Variants in PCDHGB2 observed in about 807,000 individuals in gnomAD.
The protein encoded by PCDHGB2 is protocadherin gamma subfamily B, 2, also known as protocadherin gamma-B2.
In PCDHGB2, 55 loss-of-function variants were observed where a neutral mutation model predicts 59.3. That is an observed-to-expected ratio of 0.93 (90% CI 0.75 to 1.16). The LOEUF is 1.16. Ranked by LOEUF, PCDHGB2 falls within the 50% of genes most tolerant of loss-of-function variation. The probability of loss-of-function intolerance (pLI) is 0.00; values close to 1 mark genes in which losing one functional copy is unlikely to be tolerated. For missense variants in PCDHGB2, 1,228 were observed against 1,198.5 expected, an observed-to-expected ratio of 1.02 and a Z score of -0.36; for synonymous variants, 516 against 512.0, an observed-to-expected ratio of 1.01 and a Z score of -0.11.
chr5:141,495,465 G>A (rs563411010), intron 2 of PCDHGB2, among the ~76,000 whole-genome samples: 3 of 152,182 alleles, frequency 2.0e-5, no homozygotes, highest in Non-Finnish European at 2.9e-5. Context: ...TGTCTGTGGG[G>A]TCTCCGTGTC....
At chr5:141,451,640 G>A (rs2098720679) in intron 1 of PCDHGB2, among the ~76,000 whole-genome samples, 1 of 152,166 alleles carries the variant, frequency 6.6e-6, no homozygotes, top group South Asian at 2.1e-4. Context: ...CCAGCACTCT[G>A]AGAGGCCAAG....
intron 1 of PCDHGB2, among the ~76,000 whole-genome samples, chr5:141,425,159 G>C (rs557552439): frequency 6.6e-6 from 1 of 152,126 alleles, no homozygotes; most frequent in South Asian, 2.1e-4. Context: ...AGCATCTAGG[G>C]ATAGGATTTA....
rs376452870 is a variant in PCDHGB2 at position 141,423,273 on chromosome 5, G to A, written c.2421+60717G>A. 34 of 1,613,778 alleles carry A rather than the reference G, an allele frequency of 2.1e-5. No homozygotes were observed. In the African/African-American group the frequency reaches 4.4e-4, roughly 21 times the overall value. Reference sequence around the variant, plus strand: ...CGGACCTCGGCAGCCTCGAGTCTCTGGCTAACTCTGAAACCTCAGACCTCT... The same window carrying A: ...CGGACCTCGGCAGCCTCGAGTCTCTAGCTAACTCTGAAACCTCAGACCTCT... On this transcript the variant is annotated intron_variant, in intron 1 of 3. Coordinates refer to ENST00000522605, the MANE Select transcript of PCDHGB2 (RefSeq NM_018923.3).
At chr5:141,430,991 A>T (rs2097333608) in intron 1 of PCDHGB2, 1 of 1,613,980 alleles carries the variant, frequency 6.2e-7, no homozygotes, top group African/African-American at 1.3e-5. Context: ...TTTCGCCCTG[A>T]ATCCGCGCAG....
rs1488446232 is a variant in PCDHGB2, at chr5:141,493,171, A to G, written c.2422-1636A>G. On this transcript the variant is annotated intron_variant, in intron 1 of 3. Coordinates refer to ENST00000522605, the MANE Select transcript of PCDHGB2 (RefSeq NM_018923.3). This position sits in a 1 kb window ranked among gnomAD's most constrained non-coding sequence, Gnocchi z 4.3. ...GGTGATTTTGATAGCTGATTGAGAG[A>G]AACTTACTATATAACTCCTTTGAGA... is the stretch of plus-strand genomic sequence containing the variant. 6.6e-6 allele frequency among the ~76,000 whole-genome samples: 1 copy of G among 152,214 alleles called. No homozygotes were observed. The highest frequency in any genetic ancestry group is 1.5e-5 in the Non-Finnish European group (1 of 68,034).
chr5:141,489,793 C>G lies in PCDHGB2; in HGVS notation c.2422-5014C>G. On this transcript the variant is annotated intron_variant, in intron 1 of 3. Transcript: ENST00000522605. This position sits in a 1 kb window ranked among gnomAD's most constrained non-coding sequence, Gnocchi z 4.5. ...CCACTTCTCTCTGAATGTGAAGACC[C>G]TAAAAGATGGGAAGCCATTCCCAGA... 1 of 1,614,160 alleles carries G rather than the reference C, an allele frequency of 6.2e-7. No individual in the cohort carries two copies. The highest frequency in any genetic ancestry group is 1.1e-5 in the South Asian group (1 of 91,078).
At chr5:141,388,195 T>C in intron 1 of PCDHGB2, 1 of 1,563,830 alleles carries the variant, frequency 6.4e-7, no homozygotes, top group Non-Finnish European at 8.8e-7. Flanking sequence ...GCTTGTGCTC[T>C]GGAATTTGAG....
rs577770679 is a variant in PCDHGB2, at chr5:141,458,782, G to A, written c.2422-36025G>A. Reference sequence around the variant, plus strand: ...GGGTCTTGCTGTGTCACACAGGCTGGAGTGCAGTGGTGTGATCTCAGCTCA... The same window carrying A: ...GGGTCTTGCTGTGTCACACAGGCTGAAGTGCAGTGGTGTGATCTCAGCTCA... On this transcript the variant is annotated intron_variant, in intron 1 of 3. Coordinates refer to ENST00000522605, the MANE Select transcript of PCDHGB2 (RefSeq NM_018923.3). 3.3e-5 allele frequency among the ~76,000 whole-genome samples: 5 copies of A among 152,020 alleles called. No homozygotes were observed. In the East Asian group the frequency reaches 9.7e-4, roughly 30 times the overall value.
chr5:141,430,804 G>T, intron 1 of PCDHGB2: 2 of 1,525,868 alleles, frequency 1.3e-6, no homozygotes, highest in Non-Finnish European at 1.8e-6. Context: ...GGCTTGTCCT[G>T]CTGGGAATCC....
chr5:141,394,946 T>A (rs759854662), intron 1 of PCDHGB2: 1 of 1,613,768 alleles, frequency 6.2e-7, no homozygotes, highest in East Asian at 2.2e-5. Flanking sequence ...TCGCTGTGCT[T>A]CTGGGGCTCA....
rs1035125527 is a variant in PCDHGB2, at chr5:141,485,059, C to T, written c.2422-9748C>T. The T allele has an allele frequency of 7.0e-6, 6 of 858,958 alleles. No homozygotes were observed. The highest frequency in any genetic ancestry group is 2.4e-5 in the East Asian group (1 of 40,854). 53.2% of individuals were successfully genotyped at this position (858,958 alleles called of 1,614,324 possible). A position where few individuals can be genotyped will look rare whatever the true frequency, so the allele number is the denominator to read the frequency against. ...AACCCTTGCGGCGCCGGCCGAACCG[C>T]GCCAGAGCTGGCGCGGGGAAAGGGA... On this transcript the variant is annotated intron_variant, in intron 1 of 3. Coordinates refer to ENST00000522605, the MANE Select transcript of PCDHGB2 (RefSeq NM_018923.3). This position sits in a 1 kb window ranked among gnomAD's most constrained non-coding sequence, Gnocchi z 5.7.
chr5:141,377,979 G>T (rs887213407), intron 1 of PCDHGB2: 4 of 152,086 alleles, frequency 2.6e-5, no homozygotes, highest in Non-Finnish European at 5.9e-5. Context: ...ATGTTCCTGG[G>T]TTGCAATCCT....
rs775104626 is a variant in PCDHGB2, at chr5:141,486,636, C to T, written c.2422-8171C>T. On this transcript the variant is annotated intron_variant, in intron 1 of 3. Transcript: ENST00000522605. This position sits in a 1 kb window ranked among gnomAD's most constrained non-coding sequence, Gnocchi z 5.0. ...TCTGACCCAGACTCTGGCTTGAATG[C>T]GCTTATCTCCTACTCACTCCTGGAG... 7 of 1,613,540 alleles carry T rather than the reference C, an allele frequency of 4.3e-6. No individual in the cohort carries two copies. The highest frequency in any genetic ancestry group is 1.3e-5 in the African/African-American group (1 of 74,926).
Position 141,432,205 on chromosome 5 carries a change from A to G in PCDHGB2, c.2422-62602A>G, listed in dbSNP as rs764567227. 1 of 1,614,180 alleles carries G rather than the reference A, an allele frequency of 6.2e-7. No individual in the cohort carries two copies. Among genetic ancestry groups the G allele is most frequent in the South Asian group, 1.1e-5 (1 of 91,074 alleles). On this transcript the variant is annotated intron_variant, in intron 1 of 3. Transcript: ENST00000522605. This position sits in a 1 kb window ranked among gnomAD's most constrained non-coding sequence, Gnocchi z 6.0. The stretch of plus-strand genomic sequence containing the variant: ...TGACCGCCCACGACCCCGACTGTGA[A>G]GAGAACGCCCAGATCACTTATTCCC...
intron 3 of PCDHGB2, among the ~76,000 whole-genome samples, chr5:141,508,792 CT>C (rs1475631459): frequency 6.6e-6 from 1 of 152,130 alleles, no homozygotes; most frequent in Non-Finnish European, 1.5e-5. Flanking sequence ...CTAAATCACT[CT>C]GGAATCCTGG....
intron 1 of PCDHGB2, among the ~76,000 whole-genome samples, chr5:141,450,561 A>G (rs1381887193): frequency 6.6e-6 from 1 of 151,856 alleles, no homozygotes; most frequent in Admixed American, 6.6e-5. Flanking sequence ...GTCTCGGCTC[A>G]CTGCAACTTC....
intron 1 of PCDHGB2, among the ~76,000 whole-genome samples, chr5:141,363,223 A>T (rs1253518167): frequency 6.6e-6 from 1 of 152,164 alleles, no homozygotes; most frequent in Non-Finnish European, 1.5e-5. Context: ...AAATCTTACA[A>T]CCTATGTTCA....
chr5:141,450,900 C>T (rs907024071), intron 1 of PCDHGB2, among the ~76,000 whole-genome samples: 9 of 151,048 alleles, frequency 6.0e-5, no homozygotes, highest in Non-Finnish European at 1.2e-4. Flanking sequence ...TATCGGCTCA[C>T]TGCAACCGCT....
chr5:141,431,506 G>T lies in PCDHGB2; in HGVS notation c.2422-63301G>T. 1.2e-6 allele frequency: 2 copies of T among 1,613,988 alleles called. No homozygotes were observed. Among genetic ancestry groups the T allele is most frequent in the South Asian group, 2.2e-5 (2 of 91,084 alleles). The stretch of plus-strand genomic sequence containing the variant: ...CGTTTGCTCAGCCCGAGTACCGCGC[G>T]AGCGTTCCGGAGAATCTGGCCTTGG... On this transcript the variant is annotated intron_variant, in intron 1 of 3. Coordinates refer to ENST00000522605, the MANE Select transcript of PCDHGB2 (RefSeq NM_018923.3). This position sits in a 1 kb window ranked among gnomAD's most constrained non-coding sequence, Gnocchi z 4.8.
Sources: allele counts gnomAD v4.1 joint callset (sites outside exome capture counted in the v4.1 genomes callset), GRCh38; gene constraint gnomAD v4.1.1; non-coding constraint Gnocchi (gnomAD v3.1); transcripts MANE v1.5; gene names NCBI Gene and HGNC (gene_info 2026-07-23, HGNC 2026-07-21).